Variants in ZNF831 observed in about 807,000 individuals in gnomAD.
The protein encoded by ZNF831 is zinc finger protein 831.
In ZNF831, 59 loss-of-function variants were observed where a neutral mutation model predicts 95.8. The ratio of observed to expected loss-of-function variants is 0.62; its 90% CI spans 0.50 to 0.77. The LOEUF (loss-of-function observed/expected upper bound fraction) is 0.77. ZNF831 is among the 30% of genes least tolerant of loss of function. ZNF831 has a pLI of 0.00. For synonymous variants in ZNF831, 961 were observed against 925.5 expected (o/e 1.04, Z -0.70); for missense variants, 2,205 against 2,164.0 (o/e 1.02, Z -0.38).
At chr20:59,174,211 G>A (rs971711626) in intron 1 of ZNF831, among the ~76,000 whole-genome samples, 1 of 152,162 alleles carries the variant, frequency 6.6e-6, no homozygotes, top group East Asian at 1.9e-4. Flanking sequence ...CTGGCCACGG[G>A]AGGCTAGCTG....
Position 59,195,877 on chromosome 20 carries a change from C to T in ZNF831, c.3747C>T (p.Tyr1249=). 1.1e-5 allele frequency: 18 copies of T among 1,612,946 alleles called. No homozygotes were observed. Among genetic ancestry groups the T allele is most frequent in the Non-Finnish European group, 1.5e-5 (18 of 1,179,620 alleles). ...ATGCTTGGTGTTTTCAGTTCTCCTA[C>T]CCAACAGTCCCAGGGGTGATGCCCC... ...GGPAQMSKFS[Y]PTVPGVMPQH... The change falls in exon 3 of 6, where the codon TAC becomes TAT. Residue 1249 remains tyrosine (Y), a synonymous_variant. Coordinates refer to ENST00000371030, the MANE Select transcript of ZNF831 (RefSeq NM_178457.3).
At chr20:59,234,883 A>G (rs1264183266) in intron 4 of ZNF831, among the ~76,000 whole-genome samples, 1 of 152,208 alleles carries the variant, frequency 6.6e-6, no homozygotes, top group Non-Finnish European at 1.5e-5. Flanking sequence ...TTATATTCGT[A>G]TGGCACATTT....
chr20:59,175,464 G>A, intron 1 of ZNF831, among the ~76,000 whole-genome samples: 1 of 151,636 alleles, frequency 6.6e-6, no homozygotes, highest in Non-Finnish European at 1.5e-5. Flanking sequence ...CTGTTGCTCA[G>A]ATTGGGTAAT....
Position 59,240,572 on chromosome 20 carries a change from C to T in ZNF831, c.4028-12406C>T, listed in dbSNP as rs141982642. ...ATCCCAGCACTTTGGGAGGCTGAGGCGGGCGGATCACGAGGTCAGGAGATG... is the reference window on the plus strand; with the variant it reads ...ATCCCAGCACTTTGGGAGGCTGAGGTGGGCGGATCACGAGGTCAGGAGATG... On this transcript the variant is annotated intron_variant, in intron 4 of 5. Coordinates refer to ENST00000371030, the MANE Select transcript of ZNF831 (RefSeq NM_178457.3). Among the ~76,000 whole-genome samples the T allele has an allele frequency of 6.0e-3, 911 of 151,968 alleles. 32 individuals carry two copies. The East Asian group carries it at 0.066, about 11-fold the overall frequency.
intron 1 of ZNF831, among the ~76,000 whole-genome samples, chr20:59,136,920 T>C (rs1601291204): frequency 1.3e-5 from 2 of 151,966 alleles, no homozygotes; most frequent in East Asian, 3.9e-4. Context: ...CAGGAAAGAG[T>C]TATGCAGTTT....
intron 4 of ZNF831, among the ~76,000 whole-genome samples, chr20:59,232,993 GGCAC>G (rs1986806724): frequency 2.0e-5 from 2 of 98,006 alleles, no homozygotes; most frequent in African/African-American, 4.0e-5. Context: ...AGGACCCTGA[GGCAC>G]ACACACACAC....
Position 59,192,387 on chromosome 20 carries a change from C to A in ZNF831, c.1368C>A (p.Ile456=). Residue 456 remains isoleucine, a synonymous_variant, in exon 2 of 6, where the codon ATC becomes ATA. Coordinates refer to ENST00000371030, the MANE Select transcript of ZNF831 (RefSeq NM_178457.3). The surrounding 1 kb of genome is among the most constrained non-coding windows in gnomAD (Gnocchi z 5.2). ...YTYKDSFHFD[I]RALEPGRRRA... Reference sequence around the variant, plus strand: ...ACAAGGACTCCTTCCACTTTGACATCCGCGCGCTGGAGCCAGGCCGTAGGA... The same window carrying A: ...ACAAGGACTCCTTCCACTTTGACATACGCGCGCTGGAGCCAGGCCGTAGGA... The A allele has an allele frequency of 6.2e-7, 1 of 1,612,154 alleles. No individual in the cohort carries two copies.
chr20:59,220,802 T>C (rs1986028048), intron 4 of ZNF831, among the ~76,000 whole-genome samples: 1 of 148,914 alleles, frequency 6.7e-6, no homozygotes, highest in Non-Finnish European at 1.5e-5. Flanking sequence ...TCCCTTTCTC[T>C]CTCAGCCTCC....
rs145763384 is a variant in ZNF831 at position 59,153,903 on chromosome 20, C to G, written c.-1280-5749C>G. 7.2e-5 allele frequency among the ~76,000 whole-genome samples: 11 copies of G among 152,286 alleles called. No individual in the cohort carries two copies. In the East Asian group the frequency reaches 1.9e-3, roughly 27 times the overall value. ...AGGAGCACATGGTCTGATGAGAAAG[C>G]CTGACGTATAAACCAGTCATTACAG... On this transcript the variant is annotated intron_variant, in intron 2 of 7. Transcript: ENST00000637017.
At chr20:59,123,579 G>C in intron 1 of ZNF831, 1 of 153,028 alleles carries the variant, frequency 6.5e-6, no homozygotes. Flanking sequence ...GCAGCGCCGG[G>C]GGTTATTGGG....
intron 1 of ZNF831, 143 bp from the exon 2 acceptor site, chr20:59,190,841 C>T: frequency 1.5e-6 from 1 of 661,214 alleles, no homozygotes; most frequent in Admixed American, 3.9e-5. Flanking sequence ...GAGTACCTTC[C>T]TCTCGCTTGG....
chr20:59,223,479 C>T (rs1054530504), intron 4 of ZNF831, among the ~76,000 whole-genome samples: 1 of 152,100 alleles, frequency 6.6e-6, no homozygotes, highest in African/African-American at 2.4e-5. Context: ...AGGAACGAGC[C>T]GGCAGCAGCC....
chr20:59,190,119 C>T (rs1002134492), intron 1 of ZNF831, among the ~76,000 whole-genome samples: 1 of 152,210 alleles, frequency 6.6e-6, no homozygotes, highest in Non-Finnish European at 1.5e-5. Flanking sequence ...TGTCCTAACT[C>T]AGTCTGGAGG....
chr20:59,155,987 G>A (rs542576025), intron 2 of ZNF831, among the ~76,000 whole-genome samples: 14 of 151,994 alleles, frequency 9.2e-5, no homozygotes, highest in African/African-American at 3.4e-4. Context: ...CCACCTAAAG[G>A]GTACATGATG....
intron 1 of ZNF831, among the ~76,000 whole-genome samples, chr20:59,185,003 G>C (rs1436558664): frequency 1.3e-5 from 2 of 152,170 alleles, no homozygotes; most frequent in East Asian, 3.9e-4. Context: ...CTGCGTGTGG[G>C]AGCCTGGGGA....
chr20:59,193,197 A>G lies in ZNF831; in HGVS notation c.2178A>G (p.Glu726=), dbSNP rs2146578735. Residue 726 remains glutamate, a synonymous_variant, in exon 2 of 6, where the codon GAA becomes GAG. Coordinates refer to ENST00000371030, the MANE Select transcript of ZNF831 (RefSeq NM_178457.3). ...RRGDSDRPRV[E]EAVSSPALGG... ...GAGACAGTGACCGACCCAGGGTGGA[A>G]GAGGCTGTGTCATCCCCTGCACTGG... 6.3e-7 allele frequency: 1 copy of G among 1,581,926 alleles called. No individual in the cohort carries two copies.
chr20:59,127,852 C>A (rs1979223676), intron 1 of ZNF831, among the ~76,000 whole-genome samples: 2 of 152,206 alleles, frequency 1.3e-5, no homozygotes, highest in South Asian at 4.1e-4. Context: ...CTGGCCTAGA[C>A]AAAAGAGGAG....
intron 4 of ZNF831, among the ~76,000 whole-genome samples, chr20:59,232,843 C>A (rs867305205): frequency 1.3e-5 from 2 of 152,104 alleles, no homozygotes; most frequent in Non-Finnish European, 2.9e-5. Context: ...GTCATAAAGA[C>A]AGCACTAACA....
chr20:59,133,509 G>A (rs1979409493), intron 1 of ZNF831, among the ~76,000 whole-genome samples: 1 of 152,226 alleles, frequency 6.6e-6, no homozygotes, highest in East Asian at 1.9e-4. Flanking sequence ...TCTCCATGCA[G>A]AACCAGATGG....
Sources: allele counts gnomAD v4.1 joint callset (sites outside exome capture counted in the v4.1 genomes callset), GRCh38; gene constraint gnomAD v4.1.1; non-coding constraint Gnocchi (gnomAD v3.1); transcripts MANE v1.5; gene names NCBI Gene and HGNC (gene_info 2026-07-23, HGNC 2026-07-21).